CPNE5: variants seen among roughly 807,000 people sequenced by gnomAD.
CPNE5 encodes copine 5, also known as copine-5.
Under a neutral mutation model 81.1 loss-of-function variants are expected in CPNE5, and 42 were observed. The observed-to-expected ratio is 0.52, with a 90% CI of 0.40 to 0.67. The LOEUF (loss-of-function observed/expected upper bound fraction) is 0.67, where lower values mean the gene tolerates loss of function less well. Ranked by LOEUF, CPNE5 falls within the 30% of genes least tolerant of loss-of-function variation. The pLI, the probability that CPNE5 is intolerant of heterozygous loss-of-function variation, is 0.00. For synonymous variants in CPNE5, 313 were observed against 321.5 expected (o/e 0.97, Z 0.28); for missense variants, 612 against 815.5 (o/e 0.75, Z 3.04).
Position 36,741,676 on chromosome 6 carries a change from GC to G in CPNE5, c.*591del, listed in dbSNP as rs1160109804. The G allele has an allele frequency of 2.0e-5, 3 of 152,436 alleles. No homozygotes were observed. Among genetic ancestry groups the G allele is most frequent in the Non-Finnish European group, 4.4e-5 (3 of 68,242 alleles). 9.4% of individuals were successfully genotyped at this position (152,436 alleles called of 1,614,324 possible). A position where few individuals can be genotyped will look rare whatever the true frequency, so the allele number is the denominator to read the frequency against. ...CTGTGCTGAGCAGCCTCCACTTCAG[GC>G]CCATCACATGGCCTACGGTCCATGA... On this transcript the variant is annotated 3_prime_UTR_variant, in exon 21 of 21. Coordinates refer to ENST00000244751, the MANE Select transcript of CPNE5 (RefSeq NM_020939.2).
chr6:36,745,624 G>T, intron 16 of CPNE5, 109 bp from the exon 17 acceptor site: 4 of 1,251,180 alleles, frequency 3.2e-6, no homozygotes, highest in Non-Finnish European at 3.3e-6. Context: ...GCTCCCCCAG[G>T]TCTTCTCTGG....
At chr6:36,742,672 T>C (rs1313906948) in intron 20 of CPNE5, 186 bp from the exon 21 acceptor site, 4 of 984,282 alleles carry the variant, frequency 4.1e-6, no homozygotes, top group Non-Finnish European at 4.8e-6. Context: ...AGTCAGTAAC[T>C]ATAGTCATAG....
chr6:36,763,994 C>T (rs1263943909), intron 11 of CPNE5, among the ~76,000 whole-genome samples: 3 of 152,180 alleles, frequency 2.0e-5, no homozygotes, highest in Non-Finnish European at 2.9e-5. Context: ...TTAACTTCCC[C>T]AGTCACTGCC....
intron 12 of CPNE5, among the ~76,000 whole-genome samples, chr6:36,761,649 A>T (rs1312343959): frequency 6.6e-6 from 1 of 152,158 alleles, no homozygotes; most frequent in Non-Finnish European, 1.5e-5. Context: ...TGCTCAGCAG[A>T]TGGTGACAGA....
chr6:36,828,623 T>C (rs1158959162), intron 1 of CPNE5, among the ~76,000 whole-genome samples: 2 of 152,182 alleles, frequency 1.3e-5, no homozygotes, highest in South Asian at 2.1e-4. Flanking sequence ...GGGCCCCCAA[T>C]AGGCAAAGTA....
At position 36,778,868 on chromosome 6, in the gene CPNE5, G is replaced by A; in HGVS notation, c.618C>T (p.Ser206=). 1.3e-6 allele frequency: 2 copies of A among 1,599,362 alleles called. No individual in the cohort carries two copies. Among genetic ancestry groups the A allele is most frequent in the East Asian group, 2.3e-5 (1 of 44,400 alleles). Reference sequence around the variant, plus strand: ...AGAAAACTCACGTTCCATCCTCGTTGCTTCTGTAGAATACCAAGAAGGGGT... The same window carrying A: ...AGAAAACTCACGTTCCATCCTCGTTACTTCTGTAGAATACCAAGAAGGGGT... The part of the protein sequence containing the change: ...KSDPFLVFYR[S]NEDGTFTICH... The change falls in exon 9 of 21, where the codon AGC becomes AGT. Residue 206 remains serine (S), a synonymous_variant. Coordinates refer to ENST00000244751, the MANE Select transcript of CPNE5 (RefSeq NM_020939.2).
In CPNE5 at chr6:36,775,413, C is replaced by T. The variant is rs115666347; in HGVS notation, c.633-348G>A. 1.5e-3 allele frequency among the ~76,000 whole-genome samples: 222 copies of T among 152,304 alleles called. 3 individuals carry two copies. Among genetic ancestry groups the T allele is most frequent in the Admixed American group, 3.3e-3 (50 of 15,302 alleles). Reference sequence around the variant, plus strand: ...GGGCCTCCAGCTCCCCACCTGTAAACGCAGGCAGTTACCCTCTATCAAAGA... The same window carrying T: ...GGGCCTCCAGCTCCCCACCTGTAAATGCAGGCAGTTACCCTCTATCAAAGA... On this transcript the variant is annotated intron_variant, in intron 9 of 20. Transcript: ENST00000244751.
intron 11 of CPNE5, 68 bp from the exon 12 acceptor site, chr6:36,763,060 GCA>G: frequency 7.3e-7 from 1 of 1,374,146 alleles, no homozygotes; most frequent in African/African-American, 1.4e-5. Context: ...CCCCAGCCTT[GCA>G]CACATCCGTT....
At chr6:36,788,132 G>C (rs1768745723) in intron 8 of CPNE5, among the ~76,000 whole-genome samples, 1 of 150,768 alleles carries the variant, frequency 6.6e-6, no homozygotes, top group Admixed American at 6.6e-5. Flanking sequence ...CCAAGCTCAA[G>C]TGACCCTCCT....
intron 1 of CPNE5, among the ~76,000 whole-genome samples, chr6:36,834,254 C>CA (rs1157250827): frequency 0.047 from 1,023 of 21,568 alleles, 93 homozygotes; most frequent in Middle Eastern, 0.062. Flanking sequence ...GACTGTATCT[C>CA]AAAAAAAAAA....
chr6:36,834,583 T>C (rs1487396073), intron 1 of CPNE5, among the ~76,000 whole-genome samples: 1 of 150,568 alleles, frequency 6.6e-6, no homozygotes, highest in African/African-American at 2.5e-5. Context: ...TTGAACCCAG[T>C]AGGCAGAGGT....
chr6:36,765,367 C>A lies in CPNE5; in HGVS notation c.747G>T (p.Lys249Asn), dbSNP rs752075194. The change falls in exon 11 of 21, where the codon AAG becomes AAT. Residue 249 changes from lysine (K) to asparagine (N), a missense_variant. Physicochemically the swap from Lys to Asn is moderately conservative, Grantham distance 94. Coordinates refer to ENST00000244751, the MANE Select transcript of CPNE5 (RefSeq NM_020939.2). ...LCNGDYDRTI[K>N]VEVYDWDRDG... ...CCCGATCCCAGTCGTACACCTCCAC[C>A]TTGATGGTCCTGCAAAACAAAGGCC... The A allele has an allele frequency of 6.2e-7, 1 of 1,614,162 alleles. No individual in the cohort carries two copies. Among genetic ancestry groups the A allele is most frequent in the South Asian group, 1.1e-5 (1 of 91,084 alleles).
intron 10 of CPNE5, among the ~76,000 whole-genome samples, chr6:36,771,352 G>A (rs1447353143): frequency 1.3e-5 from 2 of 152,160 alleles, no homozygotes; most frequent in Non-Finnish European, 2.9e-5. Context: ...TTCTACCACC[G>A]GCTGGCAGCA....
rs999858897 is a variant in CPNE5 at position 36,766,295 on chromosome 6, G to T, written c.738-919C>A. 1.3e-5 allele frequency among the ~76,000 whole-genome samples: 2 copies of T among 152,188 alleles called. No individual in the cohort carries two copies. The highest frequency in any genetic ancestry group is 4.8e-5 in the African/African-American group (2 of 41,446). On this transcript the variant is annotated intron_variant, in intron 10 of 20. Transcript: ENST00000244751. The surrounding 1 kb of genome is among the most constrained non-coding windows in gnomAD (Gnocchi z 4.2). Reference sequence around the variant, plus strand: ...TCGCCCATCTCCTCGGGCCTGCCAGGAGTCAGCCTTGGGCTTCTGTGGCCC... The same window carrying T: ...TCGCCCATCTCCTCGGGCCTGCCAGTAGTCAGCCTTGGGCTTCTGTGGCCC...
At chr6:36,826,134 A>G (rs1298712036) in intron 1 of CPNE5, among the ~76,000 whole-genome samples, 1 of 152,110 alleles carries the variant, frequency 6.6e-6, no homozygotes, top group African/African-American at 2.4e-5. Flanking sequence ...CAGCCTAGAT[A>G]CGTGTGTGTG....
At position 36,792,345 on chromosome 6, in the gene CPNE5, G is replaced by C. The variant is rs772464692; in HGVS notation, c.465-249C>G. On this transcript the variant is annotated intron_variant, in intron 7 of 20. Coordinates refer to ENST00000244751, the MANE Select transcript of CPNE5 (RefSeq NM_020939.2). ...CTGCTCCCCGAGAGCCCACCAGGAA[G>C]GGTAGTGCCTGCAGTGAAAGTCCTA... The C allele has an allele frequency of 1.8e-5, 28 of 1,518,438 alleles. No individual in the cohort carries two copies. In the Admixed American group the frequency reaches 2.8e-4, roughly 15 times the overall value. The allele number at this position is 1,518,438 out of a possible 1,614,324, so 94.1% of individuals were successfully genotyped here. A position where few individuals can be genotyped will look rare whatever the true frequency, so the allele number is the denominator to read the frequency against.
rs1561821009 is a variant in CPNE5, at chr6:36,822,166, G to C, written c.137-6C>G. The C allele has an allele frequency of 6.6e-6, 10 of 1,510,322 alleles. No homozygotes were observed. In the East Asian group the frequency reaches 1.7e-4, roughly 26 times the overall value. The allele number at this position is 1,510,322 out of a possible 1,614,324, so 93.6% of individuals were successfully genotyped here. On this transcript the variant is annotated splice_region_variant and splice_polypyrimidine_tract_variant and intron_variant, in intron 2 of 20. Transcript: ENST00000244751. ...TTGGGTATACATGACGCACACTGCG[G>C]GGGGAGGAGAAACAGTGGATTAATA...
At chr6:36,815,301 C>T (rs1771448161) in intron 3 of CPNE5, among the ~76,000 whole-genome samples, 2 of 152,186 alleles carry the variant, frequency 1.3e-5, no homozygotes, top group African/African-American at 4.8e-5. Flanking sequence ...GTCTGGTCCC[C>T]CTTTGCACCC....
Position 36,742,287 on chromosome 6 carries a change from G to A in CPNE5, c.1763C>T (p.Pro588Leu). 3 of 1,596,152 alleles carry A rather than the reference G, an allele frequency of 1.9e-6. No homozygotes were observed. Among genetic ancestry groups the A allele is most frequent in the African/African-American group, 2.7e-5 (2 of 74,948 alleles). ...QSPARTPPAS[P>L]LHTHI ...CCAGGTTCAGATGTGCGTGTGCAGGGGGGACGCAGGGGGCGTGCGGGCTGG... is the reference window on the plus strand; with the variant it reads ...CCAGGTTCAGATGTGCGTGTGCAGGAGGGACGCAGGGGGCGTGCGGGCTGG... Residue 588 changes from proline to leucine, a missense_variant, in exon 21 of 21, where the codon CCC (proline) becomes CTC (leucine). By Grantham distance (98) the Pro-to-Leu change is moderately conservative (BLOSUM62 -3). Transcript: ENST00000244751.
Sources: allele counts gnomAD v4.1 joint callset (sites outside exome capture counted in the v4.1 genomes callset), GRCh38; gene constraint gnomAD v4.1.1; non-coding constraint Gnocchi (gnomAD v3.1); transcripts MANE v1.5; gene names NCBI Gene and HGNC (gene_info 2026-07-23, HGNC 2026-07-21).